Variants in NDUFAF5 observed in about 807,000 individuals in gnomAD.
NDUFAF5 encodes the protein NADH:ubiquinone oxidoreductase complex assembly factor 5, also known as arginine-hydroxylase NDUFAF5, mitochondrial.
A neutral mutation model predicts 48.9 loss-of-function variants in NDUFAF5; 34 were observed. The ratio of observed to expected loss-of-function variants is 0.70; its 90% CI spans 0.53 to 0.93. The LOEUF is 0.93. Among genes scored for constraint, NDUFAF5 ranks in the 40% least tolerant of loss-of-function variants. NDUFAF5 has a pLI of 0.00. For synonymous variants in NDUFAF5, 153 were observed against 150.6 expected (o/e 1.02, Z -0.12); for missense variants, 428 against 427.5 (o/e 1.00, Z -0.01).
chr20:13,797,288 G>A (rs1449201891), intron 5 of NDUFAF5, among the ~76,000 whole-genome samples: 3 of 152,192 alleles, frequency 2.0e-5, no homozygotes, highest in Non-Finnish European at 4.4e-5. Flanking sequence ...GCAAAAACCT[G>A]CACACAAATG....
chr20:13,808,896 T>G lies in NDUFAF5; in HGVS notation c.772T>G (p.Leu258Val). The stretch of plus-strand genomic sequence containing the variant: ...TGGAATGTTTGAATTGATGGAAGAT[T>G]TACAAGGTAAGGCACTTTAAAGAAT... ...YPGMFELMED[L>V]QGMGESNCAW... The change falls in exon 8 of 11, where the codon TTA (leucine) becomes GTA (valine). Residue 258 changes from leucine (L) to valine (V), a missense_variant. By Grantham distance (32) the Leu-to-Val change is conservative. Coordinates refer to ENST00000378106, the MANE Select transcript of NDUFAF5 (RefSeq NM_024120.5). 6.2e-7 allele frequency: 1 copy of G among 1,600,408 alleles called. No homozygotes were observed. Among genetic ancestry groups the G allele is most frequent in the Non-Finnish European group, 8.6e-7 (1 of 1,167,686 alleles).
chr20:13,809,314 G>A (rs971159433), intron 8 of NDUFAF5, among the ~76,000 whole-genome samples: 4 of 152,166 alleles, frequency 2.6e-5, no homozygotes, highest in African/African-American at 9.7e-5. Context: ...TAGAAGTAGG[G>A]TTTTGTCAGG....
Position 13,795,042 on chromosome 20 carries a change from T to C in NDUFAF5, c.479+101T>C, listed in dbSNP as rs201249431. On this transcript the variant is annotated intron_variant, in intron 5 of 10. Transcript: ENST00000378106. The stretch of plus-strand genomic sequence containing the variant: ...GAGCGGTGGCTCACGCCTGTAATGC[T>C]AGCACTTTGGGAGGCCGAGGCGAGT... 15 of 800,196 alleles carry C rather than the reference T, an allele frequency of 1.9e-5. No individual in the cohort carries two copies. The East Asian group carries it at 3.5e-4, about 19-fold the overall frequency. The allele number at this position is 800,196 out of a possible 1,614,324, so 49.6% of individuals were successfully genotyped here. A position where few individuals can be genotyped will look rare whatever the true frequency, so the allele number is the denominator to read the frequency against.
chr20:13,788,672 T>A lies in NDUFAF5; in HGVS notation c.327+20T>A. The A allele has an allele frequency of 9.2e-6, 14 of 1,519,510 alleles. No individual in the cohort carries two copies. The highest frequency in any genetic ancestry group is 1.3e-5 in the Non-Finnish European group (14 of 1,094,524). The allele number at this position is 1,519,510 out of a possible 1,614,324, so 94.1% of individuals were successfully genotyped here. A position where few individuals can be genotyped will look rare whatever the true frequency, so the allele number is the denominator to read the frequency against. Reference sequence around the variant, plus strand: ...AATAAGGTATATTTATTCAATGACCTAATTTACTTTGAAAAGTAACATTGG... The same window carrying A: ...AATAAGGTATATTTATTCAATGACCAAATTTACTTTGAAAAGTAACATTGG... On this transcript the variant is annotated intron_variant, in intron 3 of 10. Transcript: ENST00000378106.
chr20:13,801,805 T>C, intron 7 of NDUFAF5, 122 bp downstream of exon 7: 1 of 840,408 alleles, frequency 1.2e-6, no homozygotes, highest in Admixed American at 2.4e-5. Flanking sequence ...CCCTTTTTTT[T>C]TCTCTTTTTA....
chr20:13,807,703 G>GGAGGCT (rs1319715418), intron 7 of NDUFAF5, among the ~76,000 whole-genome samples: 3 of 151,946 alleles, frequency 2.0e-5, no homozygotes, highest in Non-Finnish European at 4.4e-5. Flanking sequence ...CAGCACTTTG[G>GGAGGCT]GAGGCTGAGG....
rs372801488 is a variant in NDUFAF5 at position 13,818,334 on chromosome 20, C to A, written c.*1124C>A. The A allele has an allele frequency of 1.9e-3, 792 of 406,252 alleles. 10 individuals are homozygous for A. Among genetic ancestry groups the A allele is most frequent in the South Asian group, 0.014 (773 of 55,870 alleles). 25.2% of individuals were successfully genotyped at this position (406,252 alleles called of 1,614,324 possible). On this transcript the variant is annotated 3_prime_UTR_variant, in exon 11 of 11. Transcript: ENST00000378106. The stretch of plus-strand genomic sequence containing the variant: ...TAGGAGAAAAAGAAATTATTGTTCC[C>A]TTCAGTTTGAAAAATCATCGATATT...
Position 13,791,717 on chromosome 20 carries a change from A to G in NDUFAF5, c.328-1463A>G, listed in dbSNP as rs1299068299. The stretch of plus-strand genomic sequence containing the variant: ...GAAATAGAGCCAGGCCTCACAAGAG[A>G]TGGGAACTTTGAAACACCATAACAA... On this transcript the variant is annotated intron_variant, in intron 3 of 10. Transcript: ENST00000378106. Among the ~76,000 whole-genome samples the G allele has an allele frequency of 2.0e-5, 3 of 152,190 alleles. No individual in the cohort carries two copies. In the East Asian group the frequency reaches 5.8e-4, roughly 29 times the overall value.
intron 7 of NDUFAF5, 104 bp from the exon 8 acceptor site, chr20:13,808,736 TGC>T: frequency 1.5e-6 from 1 of 689,330 alleles, no homozygotes; most frequent in Non-Finnish European, 2.5e-6. Context: ...AAATATTTTT[TGC>T]TTAGCATGGG....
chr20:13,806,052 A>G (rs947790492), intron 7 of NDUFAF5, among the ~76,000 whole-genome samples: 14 of 152,228 alleles, frequency 9.2e-5, no homozygotes, highest in South Asian at 2.1e-4. Flanking sequence ...TTACGCTACA[A>G]TGGATTTTTA....
At chr20:13,812,024 G>C (rs2423747) in intron 8 of NDUFAF5, among the ~76,000 whole-genome samples, 151,596 of 152,366 alleles carry the variant, frequency 0.99, 75,417 homozygotes, top group Middle Eastern at 1. Context: ...GTTCTTGCTT[G>C]CTTAAGTTAC....
At position 13,816,452 on chromosome 20, in the gene NDUFAF5, T is replaced by A. The variant is rs753008369; in HGVS notation, c.779-11T>A. 1 of 1,598,760 alleles carries A rather than the reference T, an allele frequency of 6.3e-7. No individual in the cohort carries two copies. Among genetic ancestry groups the A allele is most frequent in the East Asian group, 2.2e-5 (1 of 44,802 alleles). On this transcript the variant is annotated splice_polypyrimidine_tract_variant and intron_variant, in intron 8 of 10. Transcript: ENST00000378106. ...CTGTATTATCTCAAACTACCTGTAGTGTATTTGTAGGTATGGGTGAGAGTA... is the reference window on the plus strand; with the variant it reads ...CTGTATTATCTCAAACTACCTGTAGAGTATTTGTAGGTATGGGTGAGAGTA...
chr20:13,816,723 ACCC>A, intron 9 of NDUFAF5, 149 bp from the exon 10 acceptor site: 2 of 751,496 alleles, frequency 2.7e-6, no homozygotes, highest in Non-Finnish European at 4.7e-6. Flanking sequence ...CTATTTCCTT[ACCC>A]TCAGTATTAA....
chr20:13,785,231 CAGA>C lies in NDUFAF5; in HGVS notation c.168_170del (p.Lys56del), dbSNP rs1568738125. On this transcript the variant is annotated inframe_deletion, in exon 1 of 11. Coordinates refer to ENST00000378106, the MANE Select transcript of NDUFAF5 (RefSeq NM_024120.5). ...TTTCGACCGGGATTTGAAAAGGAAA[CAGA>C]AGAACTGGGCAGCCCGGCAGCCCGA... 2.5e-6 allele frequency: 4 copies of C among 1,613,616 alleles called. No homozygotes were observed. Among genetic ancestry groups the C allele is most frequent in the Admixed American group, 3.3e-5 (2 of 59,982 alleles).
At position 13,805,797 on chromosome 20, in the gene NDUFAF5, T is replaced by G. The variant is rs1401985274; in HGVS notation, c.718-3045T>G. ...CTAAAAAAAAATTTTTTTAAATAGCTGGGCCTGCCTGTAGTCCCAGCTACT... is the reference window on the plus strand; with the variant it reads ...CTAAAAAAAAATTTTTTTAAATAGCGGGGCCTGCCTGTAGTCCCAGCTACT... On this transcript the variant is annotated intron_variant, in intron 7 of 10. Transcript: ENST00000378106. 3.3e-5 allele frequency among the ~76,000 whole-genome samples: 5 copies of G among 152,060 alleles called. No individual in the cohort carries two copies. In the East Asian group the frequency reaches 9.7e-4, roughly 30 times the overall value.
intron 10 of NDUFAF5, 24 bp from the exon 11 acceptor site, chr20:13,817,094 A>G (rs773274653): frequency 3.7e-6 from 6 of 1,603,600 alleles, no homozygotes; most frequent in Non-Finnish European, 4.3e-6. Context: ...TATTTCTAAT[A>G]TCTTTAATCT....
chr20:13,805,740 A>G (rs551092919), intron 7 of NDUFAF5, among the ~76,000 whole-genome samples: 2 of 151,938 alleles, frequency 1.3e-5, no homozygotes, highest in Non-Finnish European at 2.9e-5. Context: ...GGATTTCAAG[A>G]CCAGCCTGGG....
chr20:13,816,787 A>G, intron 9 of NDUFAF5, 88 bp from the exon 10 acceptor site: 3 of 881,096 alleles, frequency 3.4e-6, no homozygotes, highest in Non-Finnish European at 5.8e-6. Context: ...CCTTGTACCC[A>G]TTTCTTTTTG....
At chr20:13,805,183 A>T (rs529209988) in intron 7 of NDUFAF5, among the ~76,000 whole-genome samples, 3 of 152,254 alleles carry the variant, frequency 2.0e-5, no homozygotes, top group Non-Finnish European at 4.4e-5. Flanking sequence ...TGTGTAGTGC[A>T]CATTTTCATG....
Sources: gnomAD v4.1 joint callset for allele counts (sites outside exome capture counted in the v4.1 genomes callset) on GRCh38, gnomAD v4.1.1 for gene constraint, MANE v1.5 for transcripts, NCBI Gene and HGNC (gene_info 2026-07-23, HGNC 2026-07-21) for gene names.